SI: variants seen among roughly 807,000 people sequenced by gnomAD.
The protein encoded by SI is sucrase-isomaltase, also known as sucrase-isomaltase, intestinal.
Under a neutral mutation model 253.3 loss-of-function variants are expected in SI, and 235 were observed. That is an observed-to-expected ratio of 0.93 (90% CI 0.83 to 1.03). The LOEUF (loss-of-function observed/expected upper bound fraction) is 1.03, where lower values mean the gene tolerates loss of function less well. Ranked by LOEUF, SI falls within the 50% of genes least tolerant of loss-of-function variation. SI has a pLI of 0.00. For synonymous variants in SI, 819 were observed against 712.0 expected (o/e 1.15, Z -2.39); for missense variants, 2,442 against 2,211.1 (o/e 1.10, Z -2.09).
At chr3:165,021,142 G>C in intron 27 of SI, 87 bp downstream of exon 27, 11 of 1,178,934 alleles carry the variant, frequency 9.3e-6, no homozygotes, top group Non-Finnish European at 1.4e-5. Context: ...TGCTACTCTA[G>C]GACAGTGAAG....
At chr3:164,994,965 A>G (rs1717942660) in intron 40 of SI, among the ~76,000 whole-genome samples, 1 of 151,762 alleles carries the variant, frequency 6.6e-6, no homozygotes, top group Non-Finnish European at 1.5e-5. Context: ...AAAGACTAAA[A>G]TTTTTAGTCT....
At chr3:165,089,044 G>A in the SI span, among the ~76,000 whole-genome samples, 1 of 149,076 alleles carries the variant, frequency 6.7e-6, no homozygotes, top group Non-Finnish European at 1.5e-5. Flanking sequence ...CAAATTTGCT[G>A]TCTTGGTTTT....
At chr3:165,058,052 AT>A (rs900852443) in intron 12 of SI, among the ~76,000 whole-genome samples, 10 of 101,514 alleles carry the variant, frequency 9.9e-5, no homozygotes, top group East Asian at 1.0e-3. Flanking sequence ...GTCTTAAAAT[AT>A]TTTTTTTTAA....
intron 16 of SI, among the ~76,000 whole-genome samples, chr3:165,046,039 C>T (rs1713094339): frequency 6.6e-6 from 1 of 151,796 alleles, no homozygotes. Flanking sequence ...CCATGTTGGC[C>T]AGGCTGGTCT....
At position 165,074,572 on chromosome 3, in the gene SI, T is replaced by C; in HGVS notation, c.214A>G (p.Asn72Asp). 6.2e-7 allele frequency: 1 copy of C among 1,610,082 alleles called. No homozygotes were observed. Among genetic ancestry groups the C allele is most frequent in the Non-Finnish European group, 8.5e-7 (1 of 1,177,470 alleles). Residue 72 changes from asparagine to aspartate, a missense_variant, in exon 3 of 48, where the codon AAT becomes GAT. Transcript: ENST00000264382. ...KCPNVLNDPV[N>D]VRINCIPEQF... ...TCTGGAATGCAGTTTATTCTCACAT[T>C]GACAGGATCATTTAACACATTTGGA... is the stretch of plus-strand genomic sequence containing the variant.
rs1427847583 is a variant in SI at position 165,016,061 on chromosome 3, A to C, written c.3779T>G (p.Ile1260Ser). 1 of 1,613,052 alleles carries C rather than the reference A, an allele frequency of 6.2e-7. No individual in the cohort carries two copies. Among genetic ancestry groups the C allele is most frequent in the African/African-American group, 1.3e-5 (1 of 74,992 alleles). The change falls in exon 32 of 48, where the codon ATT becomes AGT. Residue 1260 changes from isoleucine to serine, a missense_variant. Ile to Ser is a moderately radical substitution (Grantham distance 142, BLOSUM62 -2). Transcript: ENST00000264382. The part of the protein sequence containing the change: ...NIPYDVQYTD[I>S]DYMERQLDFT... ...GTCTAGCTGCCTTTCCATGTAGTCA[A>C]TGTCTGTGTACTGAACATCCTGAAA...
At position 164,989,387 on chromosome 3, in the gene SI, AGG is replaced by A. The variant is rs1491233143; in HGVS notation, c.5108+1964_5108+1965del. The stretch of plus-strand genomic sequence containing the variant: ...AAGAAAGAAAGGAAGAAAGAAAGAA[AGG>A]AAGAAAGAAAGAAAGAAAGAAAGAA... On this transcript the variant is annotated intron_variant, in intron 44 of 47. Transcript: ENST00000264382. Among the ~76,000 whole-genome samples the A allele has an allele frequency of 1.1e-4, 6 of 55,900 alleles. 1 individual carries two copies. Among genetic ancestry groups the A allele is most frequent in the Admixed American group, 8.6e-4 (4 of 4,648 alleles). 36.7% of individuals were successfully genotyped at this position (55,900 alleles called of 152,430 possible).
chr3:165,006,629 G>T (rs1049701812), intron 37 of SI, among the ~76,000 whole-genome samples, 187 bp downstream of exon 37: 1 of 152,004 alleles, frequency 6.6e-6, no homozygotes, highest in African/African-American at 2.4e-5. Context: ...TAACAATAAA[G>T]ATATTTAGAT....
chr3:164,982,871 G>C, intron 46 of SI, 131 bp downstream of exon 46: 1 of 805,806 alleles, frequency 1.2e-6, no homozygotes, highest in Non-Finnish European at 1.9e-6. Context: ...GACAGGTCTT[G>C]AACCCCTGGC....
chr3:164,996,587 T>C lies in SI; in HGVS notation c.4640A>G (p.Gln1547Arg), dbSNP rs1377633973. ...TGAGTATGGATAAAATGCTCCAAGT[T>C]GCATCCAGCGGGTACAGAGATGATA... ...SEYHLCTRWM[Q>R]LGAFYPYSRN... Residue 1547 changes from glutamine (Q) to arginine (R), a missense_variant, in exon 40 of 48, where the codon CAA becomes CGA. Gln to Arg is a conservative substitution (Grantham distance 43, BLOSUM62 1). Transcript: ENST00000264382. 1 of 1,610,122 alleles carries C rather than the reference T, an allele frequency of 6.2e-7. No homozygotes were observed. Among genetic ancestry groups the C allele is most frequent in the African/African-American group, 1.3e-5 (1 of 74,850 alleles).
chr3:165,026,444 A>G (rs552750544), intron 25 of SI, among the ~76,000 whole-genome samples: 4 of 151,522 alleles, frequency 2.6e-5, no homozygotes, highest in Admixed American at 2.0e-4. Context: ...AAGTCAACAA[A>G]GTAACAATGG....
Position 165,015,933 on chromosome 3 carries a change from G to A in SI, c.3888+19C>T, listed in dbSNP as rs2290738. 0.77 allele frequency: 1,228,824 copies of A among 1,598,010 alleles called. 476,750 individuals carry two copies. The highest frequency in any genetic ancestry group is 0.85 in the East Asian group (38,178 of 44,656). ...AATGGAAACAAGAAATAAGACTCAG[G>A]TAAACTCCAAGTACTGACCAGGATA... On this transcript the variant is annotated intron_variant, in intron 32 of 47. Transcript: ENST00000264382.
At chr3:165,055,442 T>C (rs1560010646) in intron 12 of SI, 135 bp from the exon 13 acceptor site, 6 of 555,644 alleles carry the variant, frequency 1.1e-5, no homozygotes, top group East Asian at 8.9e-5. Flanking sequence ...GACTCATATA[T>C]AAATTTACAA....
At chr3:165,043,220 A>G (rs748800305) in intron 16 of SI, 45 bp from the exon 17 acceptor site, 1 of 1,368,772 alleles carries the variant, frequency 7.3e-7, no homozygotes, top group Non-Finnish European at 1.0e-6. Context: ...AAGATTCTCA[A>G]ATTTGCCTAG....
In SI at chr3:164,979,098, C is replaced by T. The variant is rs764035151; in HGVS notation, c.*264G>A. 4 of 343,570 alleles carry T rather than the reference C, an allele frequency of 1.2e-5. No individual in the cohort carries two copies. The highest frequency in any genetic ancestry group is 2.1e-5 in the Non-Finnish European group (4 of 187,266). 21.3% of individuals were successfully genotyped at this position (343,570 alleles called of 1,614,324 possible). ...AGCTATTTACATACATGTTTAGTAA[C>T]TAGTTTACAATTGTAGCTGATACTT... On this transcript the variant is annotated 3_prime_UTR_variant, in exon 48 of 48. Coordinates refer to ENST00000264382, the MANE Select transcript of SI (RefSeq NM_001041.4).
chr3:165,047,855 T>A (rs9290252), intron 15 of SI, among the ~76,000 whole-genome samples: 2 of 151,304 alleles, frequency 1.3e-5, no homozygotes, highest in African/African-American at 4.9e-5. Context: ...TTTTTTTTTA[T>A]TTTCTAGAAG....
intron 37 of SI, among the ~76,000 whole-genome samples, chr3:164,999,017 A>G (rs553317347): frequency 6.6e-6 from 1 of 151,984 alleles, no homozygotes; most frequent in South Asian, 2.1e-4. Flanking sequence ...TTTTTAATAA[A>G]GGCTTATGCT....
intron 16 of SI, among the ~76,000 whole-genome samples, chr3:165,046,336 A>G (rs1174095904): frequency 6.6e-6 from 1 of 151,850 alleles, no homozygotes; most frequent in Admixed American, 6.6e-5. Flanking sequence ...ATAGAGTTAG[A>G]CTTCTCAGAT....
chr3:164,990,296 T>G (rs144082303), intron 44 of SI, among the ~76,000 whole-genome samples: 2 of 152,252 alleles, frequency 1.3e-5, no homozygotes, highest in East Asian at 3.9e-4. Flanking sequence ...TTCATAATAC[T>G]AGATCTTCCA....
Sources: gnomAD v4.1 joint callset for allele counts (sites outside exome capture counted in the v4.1 genomes callset) on GRCh38, gnomAD v4.1.1 for gene constraint, MANE v1.5 for transcripts, NCBI Gene and HGNC (gene_info 2026-07-23, HGNC 2026-07-21) for gene names.